Variants in DCLK1 observed in about 807,000 individuals in gnomAD.
DCLK1 encodes the protein serine/threonine-protein kinase DCLK1.
DCLK1 carries 16 observed loss-of-function variants against 86.2 expected under a neutral mutation model. The ratio of observed to expected loss-of-function variants is 0.19; its 90% confidence interval spans 0.13 to 0.28. The LOEUF (loss-of-function observed/expected upper bound fraction) is 0.28. Ranked by LOEUF, DCLK1 falls within the 10% of genes least tolerant of loss-of-function variation. DCLK1 has a pLI of 1.00. For synonymous variants in DCLK1, 369 were observed against 370.5 expected (o/e 1.00, Z 0.05); for missense variants, 590 against 940.2 (o/e 0.63, Z 4.87).
chr13:36,030,090 C>T (rs1430376406), intron 3 of DCLK1, among the ~76,000 whole-genome samples: 3 of 152,138 alleles, frequency 2.0e-5, no homozygotes, highest in Non-Finnish European at 4.4e-5. Flanking sequence ...AAATAGAGCA[C>T]GTCCAAGGGA....
At chr13:35,844,817 T>C (rs1271696582) in intron 6 of DCLK1, among the ~76,000 whole-genome samples, 1 of 152,244 alleles carries the variant, frequency 6.6e-6, no homozygotes, top group Non-Finnish European at 1.5e-5. Flanking sequence ...TTTGCTGTGA[T>C]CATTGCTGTG....
intron 16 of DCLK1, among the ~76,000 whole-genome samples, chr13:35,790,750 T>C (rs2086696082): frequency 6.6e-6 from 1 of 152,206 alleles, no homozygotes. Flanking sequence ...GAATATACCA[T>C]TTATAAAAAA....
chr13:36,016,204 T>C (rs1054695863), intron 3 of DCLK1, among the ~76,000 whole-genome samples: 7 of 152,152 alleles, frequency 4.6e-5, no homozygotes, highest in Non-Finnish European at 8.8e-5. Flanking sequence ...CACAGACTAA[T>C]GGAAAGCAAC....
chr13:35,915,446 A>G (rs1273315962), intron 4 of DCLK1, among the ~76,000 whole-genome samples: 3 of 152,204 alleles, frequency 2.0e-5, no homozygotes, highest in African/African-American at 7.2e-5. Context: ...CACACCTGTA[A>G]TCCCAGCACT....
intron 3 of DCLK1, among the ~76,000 whole-genome samples, chr13:36,025,030 C>T (rs1436765996): frequency 2.0e-5 from 3 of 150,810 alleles, no homozygotes; most frequent in East Asian, 2.0e-4. Context: ...TGCAATGGCA[C>T]GATCTCGGCT....
intron 4 of DCLK1, among the ~76,000 whole-genome samples, chr13:35,914,377 A>ATATG (rs1875278067): frequency 9.0e-6 from 1 of 111,670 alleles, no homozygotes; most frequent in African/African-American, 3.7e-5. Flanking sequence ...ATGTATATAT[A>ATATG]TATATATATA....
chr13:35,901,059 T>C (rs1357804662), intron 4 of DCLK1, among the ~76,000 whole-genome samples: 1 of 152,154 alleles, frequency 6.6e-6, no homozygotes, highest in East Asian at 1.9e-4. Context: ...TCTCTCTCAC[T>C]TATAAAATTA....
chr13:35,973,143 G>A (rs1028663361), intron 3 of DCLK1, among the ~76,000 whole-genome samples: 1 of 152,150 alleles, frequency 6.6e-6, no homozygotes, highest in Non-Finnish European at 1.5e-5. Context: ...AAGGAGGGGA[G>A]GTGGTCCATT....
At chr13:35,851,411 G>A (rs564415053) in intron 6 of DCLK1, among the ~76,000 whole-genome samples, 141 of 151,892 alleles carry the variant, frequency 9.3e-4, no homozygotes, top group African/African-American at 3.3e-3. Flanking sequence ...ACTAGATCTC[G>A]GTTGGTAGCC....
At chr13:35,886,007 C>CTTT (rs10589320) in intron 4 of DCLK1, among the ~76,000 whole-genome samples, 38 of 130,710 alleles carry the variant, frequency 2.9e-4, no homozygotes, top group East Asian at 4.3e-4. Context: ...GAATAGGTTC[C>CTTT]TTTTTTTTTT....
At chr13:36,096,649 C>T (rs918942920) in intron 3 of DCLK1, among the ~76,000 whole-genome samples, 2 of 152,136 alleles carry the variant, frequency 1.3e-5, no homozygotes, top group Non-Finnish European at 2.9e-5. Context: ...AAGGAACAGA[C>T]AAAGCACATG....
chr13:35,854,127 C>G (rs907689039), intron 6 of DCLK1, among the ~76,000 whole-genome samples: 1 of 152,168 alleles, frequency 6.6e-6, no homozygotes, highest in Non-Finnish European at 1.5e-5. Context: ...AATTTTCCAC[C>G]AGGGCCCTCC....
chr13:35,787,117 T>G (rs978894363), intron 16 of DCLK1, among the ~76,000 whole-genome samples: 3 of 151,132 alleles, frequency 2.0e-5, no homozygotes, highest in African/African-American at 7.3e-5. Flanking sequence ...ATACACATTA[T>G]GTATAACATA....
At chr13:36,034,795 A>G (rs79999723) in intron 3 of DCLK1, among the ~76,000 whole-genome samples, 2,191 of 152,244 alleles carry the variant, frequency 0.014, 37 homozygotes, top group African/African-American at 0.048. Context: ...CCAGCTCACG[A>G]AATTTCTATA....
At chr13:35,821,105 T>A (rs780255824) in intron 11 of DCLK1, among the ~76,000 whole-genome samples, 28 of 152,184 alleles carry the variant, frequency 1.8e-4, no homozygotes, top group Non-Finnish European at 3.2e-4. Flanking sequence ...AGACCTTGGC[T>A]CTTCTACTTA....
At chr13:35,889,898 A>T (rs1171069) in intron 4 of DCLK1, among the ~76,000 whole-genome samples, 143,134 of 152,244 alleles carry the variant, frequency 0.94, 67,323 homozygotes, top group Middle Eastern at 0.98. Context: ...AAAAGAACAT[A>T]TAGTGATGTG....
chr13:35,880,530 A>C (rs911580097), intron 4 of DCLK1, among the ~76,000 whole-genome samples: 1 of 152,136 alleles, frequency 6.6e-6, no homozygotes, highest in African/African-American at 2.4e-5. Flanking sequence ...TTACCTATTG[A>C]GATGTGGGGA....
At chr13:35,891,015 A>G (rs7992997) in intron 4 of DCLK1, among the ~76,000 whole-genome samples, 15,789 of 151,918 alleles carry the variant, frequency 0.1, 1,431 homozygotes, top group African/African-American at 0.24. Flanking sequence ...GTGTTTTGTC[A>G]TATAGAATTG....
At chr13:35,810,779 C>G (rs768751425) in intron 12 of DCLK1, 56 bp downstream of exon 12, 1 of 1,589,414 alleles carries the variant, frequency 6.3e-7, no homozygotes, top group African/African-American at 1.4e-5. Context: ...TTCCTATTCT[C>G]GAAGCGGGCT....
Sources: gnomAD v4.1 joint callset for allele counts (sites outside exome capture counted in the v4.1 genomes callset) on GRCh38, gnomAD v4.1.1 for gene constraint, MANE v1.5 for transcripts, NCBI Gene and HGNC (gene_info 2026-07-23, HGNC 2026-07-21) for gene names.